The following ARL8B variants were observed in gnomAD, a reference collection of about 807,000 sequenced individuals.
ARL8B encodes the protein ADP-ribosylation factor-like protein 8B.
A neutral mutation model predicts 30.6 loss-of-function variants in ARL8B; 9 were observed. The observed-to-expected ratio is 0.29, with a 90% CI of 0.18 to 0.51. The LOEUF (loss-of-function observed/expected upper bound fraction) is 0.51. Ranked by LOEUF, ARL8B falls within the 20% of genes least tolerant of loss-of-function variation. The pLI, the probability that ARL8B is intolerant of heterozygous loss-of-function variation, is 0.97. For synonymous variants in ARL8B, 74 were observed against 76.0 expected, an observed-to-expected ratio of 0.97 and a Z score of 0.14; for missense variants, 130 against 227.2, an observed-to-expected ratio of 0.57 and a Z score of 2.75.
At chr3:5,136,256 C>A (rs1291793586) in intron 1 of ARL8B, among the ~76,000 whole-genome samples, 1 of 152,118 alleles carries the variant, frequency 6.6e-6, no homozygotes, top group Non-Finnish European at 1.5e-5. Flanking sequence ...TTATATTATT[C>A]TTTTGGCCCT....
intron 1 of ARL8B, among the ~76,000 whole-genome samples, chr3:5,160,435 C>T (rs1214465757): frequency 6.6e-6 from 1 of 152,082 alleles, no homozygotes; most frequent in African/African-American, 2.4e-5. Context: ...TCTTTAGAGA[C>T]CTTTTAAAAT....
Position 5,169,305 on chromosome 3 carries a change from T to TGTG in ARL8B, c.124-1198_124-1197insGTG, listed in dbSNP as rs2054649747. ...TACCTCATAAAGTGAAATACAGTGTTTGTGTGTGTGTGTGTGTGTGTGTGT... is the reference window on the plus strand; with the variant it reads ...TACCTCATAAAGTGAAATACAGTGTTGTGTGTGTGTGTGTGTGTGTGTGTGTGT... On this transcript the variant is annotated intron_variant, in intron 1 of 6. Transcript: ENST00000256496. 2.8e-5 allele frequency among the ~76,000 whole-genome samples: 4 copies of TGTG among 142,980 alleles called. No individual in the cohort carries two copies. The East Asian group carries it at 8.1e-4, about 29-fold the overall frequency. The allele number at this position is 142,980 out of a possible 152,430, so 93.8% of individuals were successfully genotyped here.
intron 6 of ARL8B, 59 bp from the exon 7 acceptor site, chr3:5,178,605 C>G (rs2054751162): frequency 2.0e-6 from 3 of 1,517,934 alleles, no homozygotes; most frequent in Non-Finnish European, 2.7e-6. Flanking sequence ...TAAATATTGT[C>G]TCTGTTTGAT....
chr3:5,166,206 A>C (rs1462656921), intron 1 of ARL8B, among the ~76,000 whole-genome samples: 1 of 151,530 alleles, frequency 6.6e-6, no homozygotes, highest in Non-Finnish European at 1.5e-5. Context: ...CCCCCAGCTA[A>C]TTTTTGTATT....
chr3:5,142,714 T>G (rs1479116773), intron 1 of ARL8B, among the ~76,000 whole-genome samples: 1 of 152,182 alleles, frequency 6.6e-6, no homozygotes, highest in Non-Finnish European at 1.5e-5. Flanking sequence ...GGGTCTGGAG[T>G]TGGAGTAGTT....
At chr3:5,124,256 ATTTTTTTTTTTTTTTTT>A (rs35897178) in intron 1 of ARL8B, among the ~76,000 whole-genome samples, 11 of 105,698 alleles carry the variant, frequency 1.0e-4, no homozygotes, top group Non-Finnish European at 1.8e-4. Flanking sequence ...AATACCACTA[ATTTTTTTTTTTTTTTTT>A]TTTTTTTTTT....
chr3:5,170,403 AT>A (rs1384433242), intron 1 of ARL8B, 99 bp from the exon 2 acceptor site: 1 of 700,810 alleles, frequency 1.4e-6, no homozygotes, highest in Non-Finnish European at 2.3e-6. Context: ...TGGTAAAAAA[AT>A]ATTTACTAAA....
chr3:5,124,573 T>C (rs2054213540), intron 1 of ARL8B, among the ~76,000 whole-genome samples: 1 of 152,136 alleles, frequency 6.6e-6, no homozygotes, highest in African/African-American at 2.4e-5. Context: ...TTATGTGATC[T>C]TCCCTGTCTC....
intron 1 of ARL8B, among the ~76,000 whole-genome samples, chr3:5,141,015 A>T (rs2054368880): frequency 1.3e-5 from 2 of 152,192 alleles, no homozygotes; most frequent in Admixed American, 6.5e-5. Context: ...TTGGTTGAGT[A>T]CTATGGGGTT....
At position 5,138,999 on chromosome 3, in the gene ARL8B, A is replaced by T. The variant is rs377465358; in HGVS notation, c.123+16411A>T. 1.1e-4 allele frequency among the ~76,000 whole-genome samples: 17 copies of T among 152,342 alleles called. 1 individual carries two copies. Among genetic ancestry groups the T allele is most frequent in the East Asian group, 7.7e-4 (4 of 5,186 alleles). On this transcript the variant is annotated intron_variant, in intron 1 of 6. Coordinates refer to ENST00000256496, the MANE Select transcript of ARL8B (RefSeq NM_018184.3). ...ACTGCCAGGATCACTTGAGAAACAG[A>T]TGTCTCTACTGATATATAAGCAGAC...
At chr3:5,177,605 G>A (rs1319287461) in intron 6 of ARL8B, among the ~76,000 whole-genome samples, 3 of 151,904 alleles carry the variant, frequency 2.0e-5, no homozygotes, top group Admixed American at 1.3e-4. Flanking sequence ...ACAGGCGCCC[G>A]CTGCCGTGCT....
In ARL8B at chr3:5,122,438, C is replaced by G; in HGVS notation, c.-28C>G. 1 of 1,611,502 alleles carries G rather than the reference C, an allele frequency of 6.2e-7. No homozygotes were observed. ...TCGACGCCGCCGCTCGTCCGTCCTCCCGTCCGTTCTCGCTCCCGGCCGCCA... is the reference window on the plus strand; with the variant it reads ...TCGACGCCGCCGCTCGTCCGTCCTCGCGTCCGTTCTCGCTCCCGGCCGCCA... On this transcript the variant is annotated 5_prime_UTR_variant, in exon 1 of 7. Transcript: ENST00000256496.
chr3:5,147,082 TTACATATGTA>T (rs2054425940), intron 1 of ARL8B, among the ~76,000 whole-genome samples: 1 of 152,002 alleles, frequency 6.6e-6, no homozygotes, highest in Admixed American at 6.5e-5. Flanking sequence ...TGCAGGTTTG[TTACATATGTA>T]TACATGTGCC....
At chr3:5,162,919 C>T (rs774001037) in intron 1 of ARL8B, among the ~76,000 whole-genome samples, 1 of 150,958 alleles carries the variant, frequency 6.6e-6, no homozygotes, top group Middle Eastern at 3.5e-3. Context: ...TCTCTCCCCA[C>T]TTTTTGGAGT....
At position 5,161,980 on chromosome 3, in the gene ARL8B, A is replaced by G. The variant is rs529762304; in HGVS notation, c.124-8523A>G. 2.0e-5 allele frequency among the ~76,000 whole-genome samples: 3 copies of G among 152,328 alleles called. No individual in the cohort carries two copies. The South Asian group carries it at 6.2e-4, about 32-fold the overall frequency. On this transcript the variant is annotated intron_variant, in intron 1 of 6. Transcript: ENST00000256496. The stretch of plus-strand genomic sequence containing the variant: ...TAAGTGAGTACATAGAGGCAGAGAC[A>G]AGTAGCTTTAAGGGTTTATAAGACC...
chr3:5,171,862 T>C (rs1488640830), intron 2 of ARL8B, among the ~76,000 whole-genome samples: 1 of 152,258 alleles, frequency 6.6e-6, no homozygotes, highest in Non-Finnish European at 1.5e-5. Context: ...TTTTCAATAA[T>C]AGAAGTATAT....
At chr3:5,138,857 G>A (rs1342757580) in intron 1 of ARL8B, among the ~76,000 whole-genome samples, 1 of 152,178 alleles carries the variant, frequency 6.6e-6, no homozygotes, top group East Asian at 1.9e-4. Flanking sequence ...CTGGACTAAT[G>A]GAGTGGCTTT....
chr3:5,122,676 C>T, intron 1 of ARL8B, 88 bp downstream of exon 1: 1 of 1,427,100 alleles, frequency 7.0e-7, no homozygotes, highest in African/African-American at 1.4e-5. Context: ...GGGCCCCCCT[C>T]GGCGCGATGG....
chr3:5,166,375 C>T (rs529408743), intron 1 of ARL8B, among the ~76,000 whole-genome samples: 22 of 113,864 alleles, frequency 1.9e-4, no homozygotes, highest in African/African-American at 7.5e-4. Flanking sequence ...TTTGGTAATG[C>T]TCTGTGGCCC....
Sources: allele counts gnomAD v4.1 joint callset (sites outside exome capture counted in the v4.1 genomes callset), GRCh38; gene constraint gnomAD v4.1.1; transcripts MANE v1.5; gene names NCBI Gene and HGNC (gene_info 2026-07-23, HGNC 2026-07-21).